The following SLC7A11 variants were observed in gnomAD, a reference collection of about 807,000 sequenced individuals.
SLC7A11 encodes the protein solute carrier family 7 member 11.
A neutral mutation model predicts 54.5 loss-of-function variants in SLC7A11; 35 were observed. The ratio of observed to expected loss-of-function variants is 0.64; its 90% CI spans 0.49 to 0.85. The LOEUF is 0.85. Among genes scored for constraint, SLC7A11 ranks in the 40% least tolerant of loss-of-function variants. SLC7A11 has a pLI of 0.00. For missense variants in SLC7A11, 583 were observed against 618.1 expected (o/e 0.94, Z 0.60); for synonymous variants, 230 against 225.2 (o/e 1.02, Z -0.19).
rs556079906 is a variant in SLC7A11, at chr4:138,171,673, G to A, written c.*283C>T. 5.6e-6 allele frequency: 2 copies of A among 356,728 alleles called. No individual in the cohort carries two copies. Among genetic ancestry groups the A allele is most frequent in the East Asian group, 6.7e-5 (1 of 14,998 alleles). The allele number at this position is 356,728 out of a possible 1,614,324, so 22.1% of individuals were successfully genotyped here. On this transcript the variant is annotated 3_prime_UTR_variant, in exon 12 of 12. Transcript: ENST00000280612. Reference sequence around the variant, plus strand: ...ATATGTTGTAGAGAATGACCACATAGTAATTGTCTAGTCTTTTCTCCTAAC... The same window carrying A: ...ATATGTTGTAGAGAATGACCACATAATAATTGTCTAGTCTTTTCTCCTAAC...
In SLC7A11 at chr4:138,165,076, TTAACA is replaced by T. The variant is rs1327221775; in HGVS notation, c.*6875_*6879del. On this transcript the variant is annotated 3_prime_UTR_variant, in exon 12 of 12. Transcript: ENST00000280612. ...TTCATAGATAGTACCTAATAATATG[TTAACA>T]TAAACATAACAACACACATATTATT... is the stretch of plus-strand genomic sequence containing the variant. The T allele has an allele frequency of 2.6e-5, 4 of 152,518 alleles. No individual in the cohort carries two copies. Among genetic ancestry groups the T allele is most frequent in the Admixed American group, 2.6e-4 (4 of 15,252 alleles). The allele number at this position is 152,518 out of a possible 1,614,324, so 9.4% of individuals were successfully genotyped here.
At chr4:138,201,857 C>T (rs1200595811) in intron 6 of SLC7A11, among the ~76,000 whole-genome samples, 1 of 152,038 alleles carries the variant, frequency 6.6e-6, no homozygotes, top group Non-Finnish European at 1.5e-5. Flanking sequence ...CATTAGAATA[C>T]CCACTTAGGT....
At chr4:138,180,527 T>C in intron 10 of SLC7A11, 114 bp downstream of exon 10, 1 of 1,048,506 alleles carries the variant, frequency 9.5e-7, no homozygotes, top group South Asian at 1.9e-5. Flanking sequence ...TTAAACATTT[T>C]TATTCCACAG....
intron 3 of SLC7A11, among the ~76,000 whole-genome samples, chr4:138,224,259 T>TGG (rs931494376): frequency 8.5e-5 from 13 of 152,184 alleles, no homozygotes; most frequent in Non-Finnish European, 1.5e-4. Context: ...CTGGGATGAC[T>TGG]GAGGTTATTC....
At chr4:138,219,824 CACAATTT>C (rs1425584987) in intron 4 of SLC7A11, among the ~76,000 whole-genome samples, 2 of 152,126 alleles carry the variant, frequency 1.3e-5, no homozygotes, top group Admixed American at 1.3e-4. Context: ...TCCTTTCCTA[CACAATTT>C]ACCTTTCTGC....
Position 138,213,793 on chromosome 4 carries a change from C to A in SLC7A11, c.791+792G>T, listed in dbSNP as rs372563692. Among the ~76,000 whole-genome samples, 11 of 152,226 alleles carry A rather than the reference C, an allele frequency of 7.2e-5. No homozygotes were observed. In the East Asian group the frequency reaches 1.7e-3, roughly 24 times the overall value. ...ATACTTCAAGACAAGTCTTATGCATCATGAAAGCTGTTCCCAGCACAATGA... is the reference window on the plus strand; with the variant it reads ...ATACTTCAAGACAAGTCTTATGCATAATGAAAGCTGTTCCCAGCACAATGA... On this transcript the variant is annotated intron_variant, in intron 6 of 11. Transcript: ENST00000280612.
chr4:138,178,332 A>G (rs1487429821), intron 11 of SLC7A11, among the ~76,000 whole-genome samples: 1 of 152,104 alleles, frequency 6.6e-6, no homozygotes, highest in East Asian at 1.9e-4. Flanking sequence ...TTATGGCTGC[A>G]TAGTATTCTA....
At chr4:138,173,634 CAA>C (rs201066768) in intron 11 of SLC7A11, among the ~76,000 whole-genome samples, 11 of 130,198 alleles carry the variant, frequency 8.4e-5, no homozygotes, top group Admixed American at 1.6e-4. Context: ...AACTCCATCT[CAA>C]AAAAAAAAAA....
At position 138,171,720 on chromosome 4, in the gene SLC7A11, A is replaced by T; in HGVS notation, c.*236T>A. 2.2e-6 allele frequency: 1 copy of T among 445,684 alleles called. No homozygotes were observed. The highest frequency in any genetic ancestry group is 3.9e-6 in the Non-Finnish European group (1 of 258,892). The allele number at this position is 445,684 out of a possible 1,614,324, so 27.6% of individuals were successfully genotyped here. A position where few individuals can be genotyped will look rare whatever the true frequency, so the allele number is the denominator to read the frequency against. Reference sequence around the variant, plus strand: ...TAACCCCAATAGGTAGGTATCAGAGACTCAAGAATTGTGCGACTCATAGAA... The same window carrying T: ...TAACCCCAATAGGTAGGTATCAGAGTCTCAAGAATTGTGCGACTCATAGAA... On this transcript the variant is annotated 3_prime_UTR_variant, in exon 12 of 12. Transcript: ENST00000280612.
chr4:138,219,349 A>T lies in SLC7A11; in HGVS notation c.663T>A (p.Phe221Leu). 1 of 1,603,332 alleles carries T rather than the reference A, an allele frequency of 6.2e-7. No homozygotes were observed. The highest frequency in any genetic ancestry group is 1.3e-5 in the African/African-American group (1 of 74,862). The change falls in exon 5 of 12, where the codon TTT (phenylalanine) becomes TTA (leucine). Residue 221 changes from phenylalanine to leucine, a missense_variant. Transcript: ENST00000280612. Reference sequence around the variant, plus strand: ...AATCTCTTCCTGAAAAGGCGTCTTTAAAGTTCTGCGTTTGACCTGTAATTA... The same window carrying T: ...AATCTCTTCCTGAAAAGGCGTCTTTTAAGTTCTGCGTTTGACCTGTAATTA... ...MQLIKGQTQN[F>L]KDAFSGRDSS...
At chr4:138,188,229 A>AT (rs1736923427) in intron 6 of SLC7A11, among the ~76,000 whole-genome samples, 1 of 151,950 alleles carries the variant, frequency 6.6e-6, no homozygotes, top group Non-Finnish European at 1.5e-5. Flanking sequence ...TACCCAGCTA[A>AT]TTTTTTTATC....
At chr4:138,208,168 T>C (rs1463702511) in intron 6 of SLC7A11, among the ~76,000 whole-genome samples, 1 of 152,116 alleles carries the variant, frequency 6.6e-6, no homozygotes, top group Non-Finnish European at 1.5e-5. Flanking sequence ...AAGTATTAAT[T>C]AAACATGACA....
At chr4:138,207,687 CAGTA>C (rs1737440682) in intron 6 of SLC7A11, among the ~76,000 whole-genome samples, 1 of 152,002 alleles carries the variant, frequency 6.6e-6, no homozygotes, top group South Asian at 2.1e-4. Flanking sequence ...CTGGGCAGCA[CAGTA>C]AGTGAGACTC....
intron 9 of SLC7A11, among the ~76,000 whole-genome samples, chr4:138,181,927 G>T (rs1736752521): frequency 6.6e-6 from 1 of 152,094 alleles, no homozygotes; most frequent in African/African-American, 2.4e-5. Context: ...ATACATCTGG[G>T]TACTTTTTGG....
intron 2 of SLC7A11, among the ~76,000 whole-genome samples, chr4:138,234,654 C>A (rs1309931278): frequency 6.6e-6 from 1 of 151,944 alleles, no homozygotes; most frequent in Non-Finnish European, 1.5e-5. Context: ...TTTTTATTGC[C>A]ATTTACCATT....
intron 2 of SLC7A11, 121 bp from the exon 3 acceptor site, chr4:138,232,503 T>C: frequency 1.6e-6 from 1 of 634,554 alleles, no homozygotes; most frequent in Non-Finnish European, 2.8e-6. Context: ...TCCATAGTTT[T>C]CAGAATTCCG....
chr4:138,184,716 C>A (rs762634855), intron 7 of SLC7A11, among the ~76,000 whole-genome samples: 3 of 152,098 alleles, frequency 2.0e-5, no homozygotes, highest in Middle Eastern at 3.4e-3. Context: ...TTAAGTGACA[C>A]TTGGGGAAAG....
intron 3 of SLC7A11, among the ~76,000 whole-genome samples, chr4:138,227,856 T>G (rs1039282058): frequency 1.3e-5 from 2 of 152,224 alleles, no homozygotes; most frequent in Non-Finnish European, 2.9e-5. Flanking sequence ...AAGTATGTGA[T>G]AGTTGTTCTG....
chr4:138,214,695 T>G (rs919954406), intron 5 of SLC7A11, 66 bp from the exon 6 acceptor site: 55 of 558,716 alleles, frequency 9.8e-5, no homozygotes, highest in South Asian at 2.9e-4. Flanking sequence ...TCTCAAATTT[T>G]AAATATTTAA....
Sources: gnomAD v4.1 joint callset for allele counts (sites outside exome capture counted in the v4.1 genomes callset) on GRCh38, gnomAD v4.1.1 for gene constraint, MANE v1.5 for transcripts, NCBI Gene and HGNC (gene_info 2026-07-23, HGNC 2026-07-21) for gene names.